The following MYRIP variants were observed in gnomAD, a reference collection of about 807,000 sequenced individuals.
MYRIP encodes myosin VIIA and Rab interacting protein.
Under a neutral mutation model 98.0 loss-of-function variants are expected in MYRIP, and 49 were observed. The ratio of observed to expected loss-of-function variants is 0.50; its 90% confidence interval spans 0.40 to 0.63. MYRIP has a LOEUF of 0.63. Ranked by LOEUF, MYRIP falls within the 30% of genes least tolerant of loss-of-function variation. MYRIP has a pLI of 0.00. For missense variants in MYRIP, 1,004 were observed against 1,058.2 expected (o/e 0.95, Z 0.71); for synonymous variants, 404 against 409.5 (o/e 0.99, Z 0.16).
intron 1 of MYRIP, among the ~76,000 whole-genome samples, chr3:39,862,663 A>G (rs1249611353): frequency 1.3e-5 from 2 of 152,240 alleles, no homozygotes; most frequent in Non-Finnish European, 2.9e-5. Context: ...TTAGAGACCT[A>G]CAAAGAGACT....
At chr3:39,821,839 G>T (rs1941111115) in intron 1 of MYRIP, among the ~76,000 whole-genome samples, 1 of 151,770 alleles carries the variant, frequency 6.6e-6, no homozygotes, top group Admixed American at 6.6e-5. Flanking sequence ...TTGTTTTGTG[G>T]CCTGGTACAT....
At chr3:39,815,357 T>A (rs892955611) in intron 1 of MYRIP, among the ~76,000 whole-genome samples, 1 of 152,218 alleles carries the variant, frequency 6.6e-6, no homozygotes, top group Non-Finnish European at 1.5e-5. Flanking sequence ...GTTGAATGTA[T>A]CATTGCTTCA....
chr3:40,115,734 TC>T (rs1410607256), intron 3 of MYRIP, among the ~76,000 whole-genome samples: 1 of 151,754 alleles, frequency 6.6e-6, no homozygotes, highest in Admixed American at 6.6e-5. Context: ...AAGTCCAAGG[TC>T]ACTCAAAAAG....
intron 1 of MYRIP, among the ~76,000 whole-genome samples, chr3:39,885,397 T>A (rs1575343374): frequency 6.6e-6 from 1 of 152,078 alleles, no homozygotes; most frequent in South Asian, 2.1e-4. Flanking sequence ...CCTTTGAGGG[T>A]AACCCAACCT....
intron 3 of MYRIP, among the ~76,000 whole-genome samples, chr3:40,045,844 G>T (rs1947659062): frequency 6.6e-6 from 1 of 152,122 alleles, no homozygotes; most frequent in South Asian, 2.1e-4. Flanking sequence ...ACAGAATCTG[G>T]ATAGTAAGGA....
chr3:40,252,023 G>A (rs1030808197), intron 16 of MYRIP, 24 bp downstream of exon 16: 1 of 1,540,018 alleles, frequency 6.5e-7, no homozygotes, highest in Non-Finnish European at 9.0e-7. Context: ...CTGTCTTAAT[G>A]TTCAACGCTT....
chr3:39,964,681 T>A (rs1945399048), intron 2 of MYRIP, among the ~76,000 whole-genome samples: 1 of 152,152 alleles, frequency 6.6e-6, no homozygotes, highest in East Asian at 1.9e-4. Flanking sequence ...AAAACATTAT[T>A]TAGAAGAGCT....
intron 1 of MYRIP, among the ~76,000 whole-genome samples, chr3:39,846,806 T>G (rs1480128545): frequency 1.5e-4 from 23 of 152,162 alleles, no homozygotes; most frequent in Admixed American, 1.4e-3. Context: ...TTGAGGTTGG[T>G]GAGTCCAGCA....
At chr3:39,925,756 T>C (rs1265031518) in intron 2 of MYRIP, among the ~76,000 whole-genome samples, 2 of 152,164 alleles carry the variant, frequency 1.3e-5, no homozygotes, top group African/African-American at 2.4e-5. Context: ...GTTGATTCCA[T>C]GTCCTTGCTA....
At chr3:40,153,483 A>G (rs928769125) in intron 4 of MYRIP, among the ~76,000 whole-genome samples, 1 of 152,134 alleles carries the variant, frequency 6.6e-6, no homozygotes, top group African/African-American at 2.4e-5. Context: ...TACACATTAG[A>G]ATCGCCAAGG....
intron 3 of MYRIP, among the ~76,000 whole-genome samples, chr3:40,131,204 A>G (rs186226634): frequency 2.0e-5 from 3 of 152,332 alleles, no homozygotes; most frequent in Admixed American, 2.0e-4. Flanking sequence ...GGGTATAGTG[A>G]ACTCCCATGA....
At chr3:39,852,780 GTTCTCCTC>G (rs914890484) in intron 1 of MYRIP, among the ~76,000 whole-genome samples, 48 of 145,838 alleles carry the variant, frequency 3.3e-4, no homozygotes, top group African/African-American at 1.1e-3. Flanking sequence ...CTTCTCTTCT[GTTCTCCTC>G]TTCTCCTCTT....
intron 1 of MYRIP, among the ~76,000 whole-genome samples, chr3:39,813,099 C>A (rs1009952560): frequency 6.6e-6 from 1 of 152,118 alleles, no homozygotes; most frequent in Admixed American, 6.5e-5. Flanking sequence ...CTCATCCTAC[C>A]CCAGAATCTC....
intron 2 of MYRIP, among the ~76,000 whole-genome samples, chr3:39,943,104 A>G (rs1291346020): frequency 6.6e-6 from 1 of 152,130 alleles, no homozygotes; most frequent in East Asian, 1.9e-4. Context: ...TGAGGCACCC[A>G]TGACTGAGAC....
intron 10 of MYRIP, among the ~76,000 whole-genome samples, chr3:40,197,376 C>G (rs558472427): frequency 1.3e-5 from 2 of 152,280 alleles, no homozygotes; most frequent in Admixed American, 1.3e-4. Flanking sequence ...TCCATGGCCC[C>G]TGAGTTGGGG....
At chr3:40,049,647 A>G (rs1477750944) in intron 3 of MYRIP, among the ~76,000 whole-genome samples, 2 of 151,928 alleles carry the variant, frequency 1.3e-5, no homozygotes, top group African/African-American at 4.8e-5. Context: ...AAAAAAAGGG[A>G]AAAGTTACAC....
intron 2 of MYRIP, among the ~76,000 whole-genome samples, chr3:39,927,939 T>C (rs1051215578): frequency 6.6e-6 from 1 of 151,990 alleles, no homozygotes; most frequent in African/African-American, 2.4e-5. Context: ...AAAAACCATA[T>C]GATCATCTCA....
intron 12 of MYRIP, among the ~76,000 whole-genome samples, chr3:40,235,217 C>T (rs1952794417): frequency 6.6e-6 from 1 of 152,070 alleles, no homozygotes; most frequent in Non-Finnish European, 1.5e-5. Context: ...GTTCCCGCTC[C>T]CCAATTCCTA....
intron 3 of MYRIP, among the ~76,000 whole-genome samples, chr3:40,076,405 T>C (rs1447465149): frequency 1.3e-5 from 2 of 152,202 alleles, no homozygotes; most frequent in Non-Finnish European, 1.5e-5. Context: ...TTAGAATCCT[T>C]GGCAGAGCTT....
Sources: gnomAD v4.1 joint callset for allele counts (sites outside exome capture counted in the v4.1 genomes callset) on GRCh38, gnomAD v4.1.1 for gene constraint, MANE v1.5 for transcripts, NCBI Gene and HGNC (gene_info 2026-07-23, HGNC 2026-07-21) for gene names.